Variants in DSCAM observed in about 807,000 individuals in gnomAD.
DSCAM encodes the protein cell adhesion molecule DSCAM.
Under a neutral mutation model 217.7 loss-of-function variants are expected in DSCAM, and 47 were observed. That is an observed-to-expected ratio of 0.22 (90% CI 0.17 to 0.28). The LOEUF is 0.28. DSCAM is among the 10% of genes least tolerant of loss of function. The pLI, the probability that DSCAM is intolerant of heterozygous loss-of-function variation, is 1.00. For synonymous variants in DSCAM, 1,056 were observed against 1,015.3 expected, an observed-to-expected ratio of 1.04 and a Z score of -0.76; for missense variants, 2,080 against 2,618.3, an observed-to-expected ratio of 0.79 and a Z score of 4.49.
rs570251207 is a variant in DSCAM at position 40,532,300 on chromosome 21, T to TA, written c.508+160509dup. Among the ~76,000 whole-genome samples the TA allele has an allele frequency of 1.5e-4, 23 of 152,178 alleles. No individual in the cohort carries two copies. The South Asian group carries it at 4.8e-3, about 32-fold the overall frequency. ...GATAAGACAGTTGCTGACGTCAAGT[T>TA]AAAAAAATAAATAAAAGATCCATCT... On this transcript the variant is annotated intron_variant, in intron 3 of 32. Coordinates refer to ENST00000400454, the MANE Select transcript of DSCAM (RefSeq NM_001389.5).
chr21:40,131,187 A>G (rs554600658), intron 19 of DSCAM, among the ~76,000 whole-genome samples: 3 of 152,354 alleles, frequency 2.0e-5, no homozygotes, highest in East Asian at 1.9e-4. Flanking sequence ...TACGATCTGT[A>G]ATCAATTTGA....
rs1181483451 is a variant in DSCAM, at chr21:40,024,477, C to A, written c.5687-11091G>T. Among the ~76,000 whole-genome samples the A allele has an allele frequency of 5.2e-5, 4 of 76,352 alleles. 2 individuals carry two copies. The highest frequency in any genetic ancestry group is 1.1e-4 in the Non-Finnish European group (4 of 35,026). 50.1% of individuals were successfully genotyped at this position (76,352 alleles called of 152,430 possible). ...ACCTTGGGCAGTATGGCCATTTTCA[C>A]GATATTGATTCTTCCTACCCATGAG... is the stretch of plus-strand genomic sequence containing the variant. On this transcript the variant is annotated intron_variant, in intron 32 of 32. Coordinates refer to ENST00000400454, the MANE Select transcript of DSCAM (RefSeq NM_001389.5).
At chr21:40,357,174 A>AC (rs1240370290) in intron 4 of DSCAM, among the ~76,000 whole-genome samples, 1 of 152,226 alleles carries the variant, frequency 6.6e-6, no homozygotes, top group Admixed American at 6.5e-5. Context: ...GTTTCACAAT[A>AC]CCCAGGTACA....
At chr21:40,512,668 T>C (rs2076268974) in intron 3 of DSCAM, among the ~76,000 whole-genome samples, 1 of 152,098 alleles carries the variant, frequency 6.6e-6, no homozygotes, top group African/African-American at 2.4e-5. Flanking sequence ...ATTTGTACCG[T>C]TGCTCAGTGA....
At chr21:40,512,177 A>C (rs190834121) in intron 3 of DSCAM, among the ~76,000 whole-genome samples, 87 of 152,092 alleles carry the variant, frequency 5.7e-4, no homozygotes, top group Non-Finnish European at 9.7e-4. Context: ...ATTATGCATG[A>C]TTCAGCGATT....
At chr21:40,331,787 C>T (rs1043099431) in intron 8 of DSCAM, among the ~76,000 whole-genome samples, 1 of 152,250 alleles carries the variant, frequency 6.6e-6, no homozygotes, top group Non-Finnish European at 1.5e-5. Context: ...GCCATTTCAT[C>T]TCACTATTGG....
intron 8 of DSCAM, among the ~76,000 whole-genome samples, chr21:40,332,053 C>A (rs1173057619): frequency 6.6e-6 from 1 of 152,212 alleles, no homozygotes; most frequent in Non-Finnish European, 1.5e-5. Flanking sequence ...ATCTCCCAAG[C>A]AAGAGCTTCT....
intron 1 of DSCAM, among the ~76,000 whole-genome samples, chr21:40,756,135 T>C (rs536296524): frequency 4.9e-4 from 75 of 152,322 alleles, no homozygotes; most frequent in African/African-American, 1.7e-3. Context: ...TCATGAATGG[T>C]TTAGTGCCAT....
At chr21:40,546,634 C>T (rs1909381392) in intron 3 of DSCAM, among the ~76,000 whole-genome samples, 1 of 152,112 alleles carries the variant, frequency 6.6e-6, no homozygotes, top group African/African-American at 2.4e-5. Context: ...CCTCAGTGGC[C>T]TTTGGTTTGT....
intron 32 of DSCAM, among the ~76,000 whole-genome samples, chr21:40,021,976 A>C (rs1489815451): frequency 1.3e-5 from 2 of 152,208 alleles, no homozygotes; most frequent in African/African-American, 2.4e-5. Context: ...GAATTTTCTC[A>C]ATCTATTCAG....
intron 16 of DSCAM, among the ~76,000 whole-genome samples, chr21:40,151,951 C>G (rs1331345644): frequency 6.6e-6 from 1 of 151,992 alleles, no homozygotes; most frequent in Non-Finnish European, 1.5e-5. Flanking sequence ...TCATTTTTTT[C>G]CTTCTTAAAA....
At chr21:40,427,374 C>A (rs923866159) in intron 3 of DSCAM, among the ~76,000 whole-genome samples, 4 of 152,244 alleles carry the variant, frequency 2.6e-5, no homozygotes, top group Non-Finnish European at 5.9e-5. Flanking sequence ...ATGGGCCATT[C>A]ATATACTGAC....
chr21:40,463,430 T>C (rs1406246397), intron 3 of DSCAM, among the ~76,000 whole-genome samples: 1 of 152,088 alleles, frequency 6.6e-6, no homozygotes, highest in Non-Finnish European at 1.5e-5. Flanking sequence ...ACTGAATGTC[T>C]GCTCATTTGT....
chr21:40,233,825 T>C (rs2146928997), intron 11 of DSCAM, among the ~76,000 whole-genome samples: 1 of 152,330 alleles, frequency 6.6e-6, no homozygotes, highest in East Asian at 1.9e-4. Flanking sequence ...CATGACCTGG[T>C]ATCACTCCAA....
chr21:40,259,658 A>ATTTTTTTTTTTTT (rs1365627587), intron 11 of DSCAM, among the ~76,000 whole-genome samples: 1 of 60,134 alleles, frequency 1.7e-5, no homozygotes, highest in Non-Finnish European at 4.2e-5. Context: ...TGAGTCAGCC[A>ATTTTTTTTTTTTT]TTCTTTTTTT....
intron 3 of DSCAM, among the ~76,000 whole-genome samples, chr21:40,534,536 C>T (rs1047341233): frequency 4.6e-5 from 7 of 152,128 alleles, no homozygotes; most frequent in Non-Finnish European, 8.8e-5. Flanking sequence ...TTGATGTGGA[C>T]CTGGAGACTC....
chr21:40,655,889 C>T lies in DSCAM; in HGVS notation c.508+36921G>A, dbSNP rs574498956. On this transcript the variant is annotated intron_variant, in intron 3 of 32. Transcript: ENST00000400454. ...GCAGCATAGCAAGATCCCATCTCTA[C>T]GAAAAATACAAAAATTAGCCAGGTG... Among the ~76,000 whole-genome samples the T allele has an allele frequency of 2.5e-3, 376 of 152,086 alleles. 2 individuals are homozygous for T. Among genetic ancestry groups the T allele is most frequent in the Middle Eastern group, 0.024 (7 of 294 alleles).
At chr21:40,421,715 A>T (rs1424468465) in intron 3 of DSCAM, among the ~76,000 whole-genome samples, 2 of 152,384 alleles carry the variant, frequency 1.3e-5, no homozygotes, top group East Asian at 1.9e-4. Flanking sequence ...TAGCAGAATT[A>T]ACACCTGAGA....
chr21:40,601,311 AT>A, intron 3 of DSCAM, among the ~76,000 whole-genome samples: 1 of 152,260 alleles, frequency 6.6e-6, no homozygotes, highest in Non-Finnish European at 1.5e-5. Context: ...TCAAATTCCA[AT>A]TGTTTATTGC....
Sources: gnomAD v4.1 joint callset for allele counts (sites outside exome capture counted in the v4.1 genomes callset) on GRCh38, gnomAD v4.1.1 for gene constraint, MANE v1.5 for transcripts, NCBI Gene and HGNC (gene_info 2026-07-23, HGNC 2026-07-21) for gene names.